SQSTM1: variants seen among roughly 807,000 people sequenced by gnomAD.
SQSTM1 encodes the protein sequestosome-1.
SQSTM1 carries 36 observed loss-of-function variants against 45.1 expected under a neutral mutation model. The observed-to-expected ratio is 0.80, with a 90% CI of 0.61 to 1.05. SQSTM1 has a LOEUF of 1.05. Ranked by LOEUF, SQSTM1 falls within the 50% of genes least tolerant of loss-of-function variation. SQSTM1 has a pLI of 0.00. For synonymous variants in SQSTM1, 290 were observed against 244.3 expected (o/e 1.19, Z -1.74); for missense variants, 617 against 607.1 (o/e 1.02, Z -0.17).
chr5:179,820,566 C>A, upstream of SQSTM1: 1 of 205,718 alleles, frequency 4.9e-6, no homozygotes, highest in Non-Finnish European at 9.7e-6. Context: ...GAGTCATGGC[C>A]AGGCCCAAGC....
intron 1 of SQSTM1, among the ~76,000 whole-genome samples, chr5:179,810,339 A>T (rs537840667): frequency 2.0e-5 from 3 of 152,002 alleles, no homozygotes; most frequent in African/African-American, 4.8e-5. Context: ...TCATTGTTCA[A>T]TTCCCACCTA....
chr5:179,822,103 A>T (rs1239544236), intron 1 of SQSTM1, among the ~76,000 whole-genome samples: 1 of 152,196 alleles, frequency 6.6e-6, no homozygotes, highest in Admixed American at 6.5e-5. Context: ...CATACCTTTT[A>T]TCACCCTCTT....
In SQSTM1 at chr5:179,836,785, A is replaced by G. The variant is rs11249660; in HGVS notation, c.*192A>G. The G allele has an allele frequency of 4.7e-6, 4 of 852,766 alleles. No homozygotes were observed. Among genetic ancestry groups the G allele is most frequent in the Non-Finnish European group, 7.5e-6 (4 of 532,190 alleles). The allele number at this position is 852,766 out of a possible 1,614,324, so 52.8% of individuals were successfully genotyped here. ...AGGGTCCCTGTGTGTGTGTGTGCTG[A>G]TGTTTCCTGGGTGCCCTGGCTCCTT... is the stretch of plus-strand genomic sequence containing the variant. On this transcript the variant is annotated 3_prime_UTR_variant, in exon 8 of 8. Coordinates refer to ENST00000389805, the MANE Select transcript of SQSTM1 (RefSeq NM_003900.5).
chr5:179,832,425 C>A (rs1205628195), intron 5 of SQSTM1, among the ~76,000 whole-genome samples: 2 of 152,252 alleles, frequency 1.3e-5, no homozygotes, highest in Non-Finnish European at 2.9e-5. Flanking sequence ...TACGCAGCGC[C>A]TGCACGGCCC....
chr5:179,832,363 G>A (rs974818338), intron 5 of SQSTM1, among the ~76,000 whole-genome samples: 1 of 152,258 alleles, frequency 6.6e-6, no homozygotes, highest in Non-Finnish European at 1.5e-5. Flanking sequence ...TCCCTGGTGA[G>A]TCACGTGAGC....
chr5:179,837,314 G>T lies in SQSTM1; in HGVS notation c.*721G>T, dbSNP rs1195074639. ...GTTTATTGTTAATGGTTCTTACAGA[G>T]TATCTTTAAAAGTGCCTTAGGGGAA... is the stretch of plus-strand genomic sequence containing the variant. On this transcript the variant is annotated 3_prime_UTR_variant, in exon 8 of 8. Transcript: ENST00000389805. 2 of 1,592,828 alleles carry T rather than the reference G, an allele frequency of 1.3e-6. No homozygotes were observed. The highest frequency in any genetic ancestry group is 1.3e-5 in the African/African-American group (1 of 74,256).
chr5:179,830,193 C>T (rs374616095), intron 5 of SQSTM1, among the ~76,000 whole-genome samples: 1 of 152,176 alleles, frequency 6.6e-6, no homozygotes, highest in Admixed American at 6.6e-5. Context: ...AGATTGAAAG[C>T]GGCCCTGACA....
At chr5:179,835,042 T>C in intron 7 of SQSTM1, 1 of 216,514 alleles carries the variant, frequency 4.6e-6, no homozygotes, top group South Asian at 4.8e-5. Flanking sequence ...TCTCCTCACT[T>C]CTCAGACGGG....
chr5:179,823,686 A>C (rs1204769273), intron 2 of SQSTM1, 172 bp from the exon 3 acceptor site: 1 of 663,012 alleles, frequency 1.5e-6, no homozygotes, highest in African/African-American at 1.8e-5. Context: ...GGAACCTCCT[A>C]GCAGGTTCTT....
intron 5 of SQSTM1, among the ~76,000 whole-genome samples, chr5:179,826,429 A>G (rs1449548062): frequency 6.6e-6 from 1 of 151,904 alleles, no homozygotes; most frequent in Admixed American, 6.6e-5. Context: ...GGCCTCCCAA[A>G]GTGCTGGGAT....
In SQSTM1 at chr5:179,833,788, T is replaced by G. The variant is rs762670872; in HGVS notation, c.1165+6T>G. ...GTACCCACATCTCCCGCCAGGCAAG[T>G]GAACCAAGAGGTTTTGTACATATTC... On this transcript the variant is annotated splice_donor_region_variant and intron_variant, in intron 7 of 7. Coordinates refer to ENST00000389805, the MANE Select transcript of SQSTM1 (RefSeq NM_003900.5). 6.2e-7 allele frequency: 1 copy of G among 1,614,006 alleles called. No homozygotes were observed. Among genetic ancestry groups the G allele is most frequent in the African/African-American group, 1.3e-5 (1 of 75,026 alleles).
chr5:179,807,206 C>G (rs1164464098), intron 1 of SQSTM1: 2 of 152,590 alleles, frequency 1.3e-5, no homozygotes, highest in Non-Finnish European at 2.9e-5. Context: ...ACCCCGGTAC[C>G]CTTCTCAGCA....
chr5:179,807,159 C>G (rs1324950463), intron 1 of SQSTM1, among the ~76,000 whole-genome samples: 1 of 138,490 alleles, frequency 7.2e-6, no homozygotes, highest in African/African-American at 2.7e-5. Flanking sequence ...CGACCGCAGC[C>G]GGGGCGGGGG....
intron 2 of SQSTM1, chr5:179,812,067 G>A (rs575204267): frequency 2.5e-4 from 38 of 152,354 alleles, no homozygotes; most frequent in African/African-American, 8.2e-4. Flanking sequence ...GCCTCCCAAA[G>A]TGCTGGGATT....
chr5:179,836,280 A>G (rs1758549782), intron 7 of SQSTM1, 156 bp from the exon 8 acceptor site: 2 of 944,234 alleles, frequency 2.1e-6, no homozygotes, highest in Non-Finnish European at 3.4e-6. Context: ...CTTTACAGGG[A>G]AAGCAGGTCC....
chr5:179,834,567 G>A (rs1454238293), intron 7 of SQSTM1, among the ~76,000 whole-genome samples: 6 of 150,448 alleles, frequency 4.0e-5, no homozygotes, highest in Non-Finnish European at 5.9e-5. Context: ...GCGGCCTTCC[G>A]CAGCGTTTGT....
upstream of SQSTM1, among the ~76,000 whole-genome samples, chr5:179,815,743 C>T (rs556022138): frequency 7.9e-5 from 12 of 152,310 alleles, no homozygotes; most frequent in African/African-American, 2.4e-4. Context: ...CCTACTTTTA[C>T]GCAAGAGTAT....
chr5:179,837,039 C>G lies in SQSTM1; in HGVS notation c.*446C>G, dbSNP rs1038980612. ...AGCCTAGGTGTTGTCAGCAGGCAGG[C>G]TGGGGAGGCCAGTGTTGTGGGCTTC... On this transcript the variant is annotated 3_prime_UTR_variant, in exon 8 of 8. Coordinates refer to ENST00000389805, the MANE Select transcript of SQSTM1 (RefSeq NM_003900.5). 1.5e-6 allele frequency: 1 copy of G among 646,486 alleles called. No homozygotes were observed. The highest frequency in any genetic ancestry group is 2.7e-6 in the Non-Finnish European group (1 of 367,060). 40.0% of individuals were successfully genotyped at this position (646,486 alleles called of 1,614,324 possible). A position where few individuals can be genotyped will look rare whatever the true frequency, so the allele number is the denominator to read the frequency against.
intron 2 of SQSTM1, 150 bp downstream of exon 2, chr5:179,823,203 C>T (rs984786667): frequency 2.4e-5 from 19 of 792,104 alleles, no homozygotes; most frequent in African/African-American, 8.6e-5. Context: ...GTGTGGCTCA[C>T]GCCTGTAATT....
Sources: allele counts gnomAD v4.1 joint callset (sites outside exome capture counted in the v4.1 genomes callset), GRCh38; gene constraint gnomAD v4.1.1; transcripts MANE v1.5; gene names NCBI Gene and HGNC (gene_info 2026-07-23, HGNC 2026-07-21).